The following NRG1 variants were observed in gnomAD, a reference collection of about 807,000 sequenced individuals.
The protein encoded by NRG1 is pro-neuregulin-1, membrane-bound isoform.
Under a neutral mutation model 63.8 loss-of-function variants are expected in NRG1, and 18 were observed. That is an observed-to-expected ratio of 0.28 (90% CI 0.19 to 0.42). The LOEUF (loss-of-function observed/expected upper bound fraction) is 0.42, where lower values mean the gene tolerates loss of function less well. Among genes scored for constraint, NRG1 ranks in the 10% least tolerant of loss-of-function variants. The pLI is 1.00. For synonymous variants in NRG1, 302 were observed against 301.3 expected, an observed-to-expected ratio of 1.00 and a Z score of -0.02; for missense variants, 762 against 814.7, an observed-to-expected ratio of 0.94 and a Z score of 0.79.
At chr8:31,653,398 C>A (rs1273339118) in intron 1 of NRG1, among the ~76,000 whole-genome samples, 1 of 152,112 alleles carries the variant, frequency 6.6e-6, no homozygotes, top group South Asian at 2.1e-4. Context: ...TAGTTTATTT[C>A]TACCTAGTGA....
intron 1 of NRG1, among the ~76,000 whole-genome samples, chr8:32,099,160 G>A (rs1345269269): frequency 6.6e-6 from 1 of 152,202 alleles, no homozygotes; most frequent in Non-Finnish European, 1.5e-5. Context: ...TTATGGGATG[G>A]CGCTTGTGCT....
chr8:32,275,520 G>A lies in NRG1; in HGVS notation c.38-320308G>A, dbSNP rs141258054. Among the ~76,000 whole-genome samples, 299 of 152,184 alleles carry A rather than the reference G, an allele frequency of 2.0e-3. 1 individual carries two copies. The highest frequency in any genetic ancestry group is 6.6e-3 in the African/African-American group (273 of 41,528). On this transcript the variant is annotated intron_variant, in intron 1 of 10. Transcript: ENST00000519301. ...CTCTCCAGTGAAAGGACATTAAGAC[G>A]GAGCTGAAGGAAGGGAGAGAGTGGA...
At chr8:31,715,198 G>A (rs778626077) in intron 1 of NRG1, among the ~76,000 whole-genome samples, 3 of 152,040 alleles carry the variant, frequency 2.0e-5, no homozygotes, top group Non-Finnish European at 4.4e-5. Context: ...TTATTGAATA[G>A]AATGCAATTA....
intron 1 of NRG1, among the ~76,000 whole-genome samples, chr8:32,324,859 T>C (rs1010222030): frequency 2.6e-5 from 4 of 152,162 alleles, no homozygotes; most frequent in Admixed American, 6.5e-5. Flanking sequence ...CAGAGCTAAA[T>C]CTGACTCTTT....
chr8:32,497,673 G>A (rs1324388902), intron 1 of NRG1, among the ~76,000 whole-genome samples: 1 of 152,226 alleles, frequency 6.6e-6, no homozygotes, highest in South Asian at 2.1e-4. Flanking sequence ...ACTAACATGT[G>A]TACGTGACTA....
At chr8:32,686,662 T>A (rs191459482) in intron 5 of NRG1, among the ~76,000 whole-genome samples, 2 of 152,362 alleles carry the variant, frequency 1.3e-5, no homozygotes, top group East Asian at 3.9e-4. Flanking sequence ...AGCTCCCTTT[T>A]AAATCCAGCC....
rs938795589 is a variant in NRG1, at chr8:31,657,952, C to G, written c.37+18521C>G. On this transcript the variant is annotated intron_variant, in intron 1 of 10. Transcript: ENST00000519301. ...ATCACTTGGGTGAGGTCCTTTTGCC[C>G]TCTCTGCCAACGTGGGTACCTGTTG... Among the ~76,000 whole-genome samples, 4 of 152,304 alleles carry G rather than the reference C, an allele frequency of 2.6e-5. No homozygotes were observed. In the East Asian group the frequency reaches 7.7e-4, roughly 29 times the overall value.
At chr8:31,934,065 C>T (rs888099646) in intron 1 of NRG1, among the ~76,000 whole-genome samples, 6 of 152,102 alleles carry the variant, frequency 3.9e-5, no homozygotes, top group Non-Finnish European at 7.3e-5. Flanking sequence ...TTCACATATA[C>T]GTACTTTTAT....
At chr8:31,977,137 G>T (rs907963823) in intron 1 of NRG1, among the ~76,000 whole-genome samples, 1 of 152,082 alleles carries the variant, frequency 6.6e-6, no homozygotes, top group Non-Finnish European at 1.5e-5. Flanking sequence ...AACCATCTAT[G>T]TTCAAATATT....
At chr8:31,974,102 C>G (rs16878593) in intron 1 of NRG1, among the ~76,000 whole-genome samples, 1,661 of 152,258 alleles carry the variant, frequency 0.011, 28 homozygotes, top group African/African-American at 0.038. Flanking sequence ...TGAAACTTGT[C>G]ACGTTATATG....
chr8:31,942,158 C>A (rs1801845674), intron 1 of NRG1, among the ~76,000 whole-genome samples: 1 of 152,084 alleles, frequency 6.6e-6, no homozygotes, highest in Non-Finnish European at 1.5e-5. Flanking sequence ...GCAATAGTCA[C>A]CAAAACAGCA....
intron 1 of NRG1, among the ~76,000 whole-genome samples, chr8:32,057,511 G>A (rs1168215044): frequency 6.6e-6 from 1 of 152,058 alleles, no homozygotes; most frequent in African/African-American, 2.4e-5. Context: ...GGGCCACTGG[G>A]TGTGAATTTG....
intron 1 of NRG1, among the ~76,000 whole-genome samples, chr8:31,720,295 T>A (rs1489574662): frequency 6.6e-6 from 1 of 152,152 alleles, no homozygotes; most frequent in Non-Finnish European, 1.5e-5. Context: ...TAGATATGTG[T>A]ATGATTAATT....
At chr8:31,647,369 C>T (rs937881900) in intron 1 of NRG1, among the ~76,000 whole-genome samples, 3 of 152,188 alleles carry the variant, frequency 2.0e-5, no homozygotes, top group Non-Finnish European at 4.4e-5. Flanking sequence ...CCCATTTGGG[C>T]TCTGATGAAT....
At chr8:32,537,236 C>T (rs1193278722) in intron 1 of NRG1, among the ~76,000 whole-genome samples, 1 of 128,264 alleles carries the variant, frequency 7.8e-6, no homozygotes, top group African/African-American at 2.8e-5. Flanking sequence ...CTGTTTGTCA[C>T]GTTGGTCTGA....
intron 1 of NRG1, among the ~76,000 whole-genome samples, chr8:32,027,414 C>CTTCT (rs1817557272): frequency 8.8e-6 from 1 of 114,078 alleles, no homozygotes; most frequent in African/African-American, 4.3e-5. Context: ...CCTTCCTTCC[C>CTTCT]TCCTTCCTTC....
intron 1 of NRG1, among the ~76,000 whole-genome samples, chr8:31,923,764 G>T (rs1329472098): frequency 6.6e-6 from 1 of 151,842 alleles, no homozygotes; most frequent in Non-Finnish European, 1.5e-5. Flanking sequence ...CTACACTGAT[G>T]TATTTTGCAT....
At chr8:31,683,752 C>T (rs998656748) in intron 1 of NRG1, among the ~76,000 whole-genome samples, 1 of 151,936 alleles carries the variant, frequency 6.6e-6, no homozygotes, top group East Asian at 1.9e-4. Flanking sequence ...TACCACTGTG[C>T]TGGGGGATGA....
At chr8:32,397,125 T>C (rs1812533072) in intron 1 of NRG1, among the ~76,000 whole-genome samples, 1 of 151,298 alleles carries the variant, frequency 6.6e-6, no homozygotes, top group South Asian at 2.1e-4. Context: ...AGTAGGTAGA[T>C]AGATAGATAG....
Sources: allele counts gnomAD v4.1 joint callset (sites outside exome capture counted in the v4.1 genomes callset), GRCh38; gene constraint gnomAD v4.1.1; transcripts MANE v1.5; gene names NCBI Gene and HGNC (gene_info 2026-07-23, HGNC 2026-07-21).